Variants in STPG2 observed in about 807,000 individuals in gnomAD.
STPG2 encodes sperm tail PG-rich repeat containing 2.
Under a neutral mutation model 54.2 loss-of-function variants are expected in STPG2, and 56 were observed. That is an observed-to-expected ratio of 1.03 (90% CI 0.83 to 1.29). The LOEUF is 1.29. Ranked by LOEUF, STPG2 falls within the 50% of genes most tolerant of loss-of-function variation. The pLI is 0.00. For synonymous variants in STPG2, 200 were observed against 181.8 expected (o/e 1.10, Z -0.81); for missense variants, 596 against 544.9 (o/e 1.09, Z -0.93).
chr4:97,601,590 G>C (rs768887375), intron 10 of STPG2, among the ~76,000 whole-genome samples: 20 of 151,658 alleles, frequency 1.3e-4, no homozygotes, highest in Non-Finnish European at 2.8e-4. Context: ...AATCCATCTT[G>C]AGCTGATTTT....
chr4:97,673,969 C>T (rs922931950), intron 10 of STPG2, among the ~76,000 whole-genome samples: 4 of 152,054 alleles, frequency 2.6e-5, no homozygotes, highest in African/African-American at 9.7e-5. Context: ...CTTAAAATGT[C>T]CTTGGGATCT....
chr4:97,445,108 G>C (rs1050260648), intron 4 of STPG2, among the ~76,000 whole-genome samples: 3 of 152,064 alleles, frequency 2.0e-5, no homozygotes, highest in Non-Finnish European at 2.9e-5. Context: ...AATTGAAAAT[G>C]ATAAAAATAA....
At chr4:97,454,502 A>G (rs1298014612) in intron 4 of STPG2, among the ~76,000 whole-genome samples, 3 of 130,576 alleles carry the variant, frequency 2.3e-5, no homozygotes, top group East Asian at 2.6e-4. Context: ...CCTGGGCGAC[A>G]GAGCGAGACT....
intron 8 of STPG2, among the ~76,000 whole-genome samples, chr4:97,875,750 C>A (rs2149159765): frequency 6.6e-6 from 1 of 151,910 alleles, no homozygotes; most frequent in Admixed American, 6.6e-5. Context: ...ACTTATAAAA[C>A]AAAATGTTTT....
intron 8 of STPG2, among the ~76,000 whole-genome samples, chr4:97,846,495 T>C (rs962388581): frequency 6.6e-6 from 1 of 151,364 alleles, no homozygotes; most frequent in Admixed American, 6.6e-5. Context: ...CGTGGTGGCA[T>C]GTGCCTGTAA....
In STPG2 at chr4:98,078,799, T is replaced by C. The variant is rs1260452019; in HGVS notation, c.612+27154A>G. Among the ~76,000 whole-genome samples the C allele has an allele frequency of 2.6e-5, 4 of 152,298 alleles. No homozygotes were observed. In the East Asian group the frequency reaches 5.8e-4, roughly 22 times the overall value. Reference sequence around the variant, plus strand: ...TAAGACTAAGAGAATGATTTCCCTTTCATATTAACCAATTAGACTGATTAT... The same window carrying C: ...TAAGACTAAGAGAATGATTTCCCTTCCATATTAACCAATTAGACTGATTAT... On this transcript the variant is annotated intron_variant, in intron 5 of 10. Coordinates refer to ENST00000295268, the MANE Select transcript of STPG2 (RefSeq NM_174952.3).
chr4:97,691,632 T>C (rs1273478700), intron 10 of STPG2, among the ~76,000 whole-genome samples: 1 of 152,014 alleles, frequency 6.6e-6, no homozygotes, highest in Non-Finnish European at 1.5e-5. Context: ...CCCTTGAAAG[T>C]TCTATGGCCC....
intron 10 of STPG2, among the ~76,000 whole-genome samples, chr4:97,691,990 C>A (rs551417740): frequency 1.3e-5 from 2 of 152,252 alleles, no homozygotes; most frequent in African/African-American, 4.8e-5. Context: ...AAGAGCACTG[C>A]ATGAAAGGAG....
chr4:98,002,485 G>A (rs1276910269), intron 5 of STPG2, among the ~76,000 whole-genome samples: 1 of 151,986 alleles, frequency 6.6e-6, no homozygotes, highest in South Asian at 2.1e-4. Flanking sequence ...AAGTAGGAAA[G>A]TAGCTCAGCT....
At chr4:97,635,685 G>C (rs1462206817) in intron 10 of STPG2, among the ~76,000 whole-genome samples, 13 of 151,846 alleles carry the variant, frequency 8.6e-5, no homozygotes, top group Middle Eastern at 6.9e-3. Context: ...GGCAGGGGTT[G>C]CAATCATAGT....
At chr4:98,013,397 C>T (rs1735820519) in intron 5 of STPG2, among the ~76,000 whole-genome samples, 1 of 151,958 alleles carries the variant, frequency 6.6e-6, no homozygotes, top group African/African-American at 2.4e-5. Flanking sequence ...AGGACATTGG[C>T]CTGAAGTTTT....
chr4:97,444,505 T>C (rs1006109929), intron 4 of STPG2, among the ~76,000 whole-genome samples: 1 of 152,108 alleles, frequency 6.6e-6, no homozygotes, highest in South Asian at 2.1e-4. Context: ...AAAGAAAATA[T>C]GCCAACCTGA....
At chr4:97,597,830 A>G (rs935546452) in intron 10 of STPG2, among the ~76,000 whole-genome samples, 2 of 152,106 alleles carry the variant, frequency 1.3e-5, no homozygotes, top group Admixed American at 1.3e-4. Flanking sequence ...GAAGAAGACA[A>G]TGATGCCCAC....
chr4:97,808,601 A>T (rs975544604), intron 9 of STPG2, among the ~76,000 whole-genome samples: 5 of 151,568 alleles, frequency 3.3e-5, no homozygotes, highest in African/African-American at 4.8e-5. Flanking sequence ...TCAGTGGAAG[A>T]TTTAAACCCA....
At chr4:98,067,998 A>G (rs192134140) in intron 5 of STPG2, among the ~76,000 whole-genome samples, 366 of 152,306 alleles carry the variant, frequency 2.4e-3, no homozygotes, top group African/African-American at 8.4e-3. Flanking sequence ...TGTGTATCCT[A>G]GATGACCCAG....
At chr4:98,047,358 C>T (rs186934221) in intron 5 of STPG2, among the ~76,000 whole-genome samples, 1 of 151,918 alleles carries the variant, frequency 6.6e-6, no homozygotes, top group African/African-American at 2.4e-5. Flanking sequence ...TTTAAACTTC[C>T]CTAGAGGTCT....
intron 8 of STPG2, among the ~76,000 whole-genome samples, chr4:97,874,938 G>A (rs1730119594): frequency 6.6e-6 from 1 of 151,860 alleles, no homozygotes; most frequent in Admixed American, 6.6e-5. Context: ...CTCCAGCAAT[G>A]TGAGAAATAA....
chr4:98,098,072 A>G (rs1286478632), intron 5 of STPG2, among the ~76,000 whole-genome samples: 1 of 152,160 alleles, frequency 6.6e-6, no homozygotes, highest in African/African-American at 2.4e-5. Flanking sequence ...AGCCAGTGCA[A>G]TCCCTATCAA....
intron 4 of STPG2, among the ~76,000 whole-genome samples, chr4:97,447,392 G>T (rs190896566): frequency 6.6e-6 from 1 of 152,300 alleles, no homozygotes; most frequent in East Asian, 1.9e-4. Flanking sequence ...TAATTGCCAA[G>T]AAAATTGGCA....
Sources: allele counts gnomAD v4.1 joint callset (sites outside exome capture counted in the v4.1 genomes callset), GRCh38; gene constraint gnomAD v4.1.1; transcripts MANE v1.5; gene names NCBI Gene and HGNC (gene_info 2026-07-23, HGNC 2026-07-21).